DDX10: variants seen among roughly 807,000 people sequenced by gnomAD.
The protein encoded by DDX10 is probable ATP-dependent RNA helicase DDX10.
A neutral mutation model predicts 104.3 loss-of-function variants in DDX10; 74 were observed. The ratio of observed to expected loss-of-function variants is 0.71; its 90% confidence interval spans 0.59 to 0.86. The LOEUF (loss-of-function observed/expected upper bound fraction) is 0.86, where lower values mean the gene tolerates loss of function less well. Ranked by LOEUF, DDX10 falls within the 40% of genes least tolerant of loss-of-function variation. The probability of loss-of-function intolerance (pLI) is 0.00; values close to 1 mark genes in which losing one functional copy is unlikely to be tolerated. For missense variants in DDX10, 952 were observed against 1,040.0 expected (o/e 0.92, Z 1.16); for synonymous variants, 351 against 353.4 (o/e 0.99, Z 0.08).
chr11:108,684,740 G>A (rs1360501292), intron 6 of DDX10, among the ~76,000 whole-genome samples: 2 of 146,016 alleles, frequency 1.4e-5, no homozygotes, highest in Non-Finnish European at 3.0e-5. Context: ...TGGGTCAAAT[G>A]GTATTTCTAG....
chr11:108,712,816 T>C (rs1038205045), intron 10 of DDX10, among the ~76,000 whole-genome samples: 2 of 152,004 alleles, frequency 1.3e-5, no homozygotes, highest in Admixed American at 6.6e-5. Context: ...TTTTTTTTTT[T>C]CTCTCTAAAG....
chr11:108,831,820 A>G (rs1237705972), intron 13 of DDX10, among the ~76,000 whole-genome samples: 5 of 152,134 alleles, frequency 3.3e-5, no homozygotes, highest in African/African-American at 1.2e-4. Context: ...TTATGATAAG[A>G]ACCATTATTG....
At chr11:108,668,385 C>G (rs2094212748) in intron 1 of DDX10, among the ~76,000 whole-genome samples, 2 of 117,852 alleles carry the variant, frequency 1.7e-5, no homozygotes, top group African/African-American at 5.2e-5. Flanking sequence ...GCAGCTTTTT[C>G]CCCCGCTAAG....
At chr11:108,759,642 G>C (rs1295614845) in intron 13 of DDX10, among the ~76,000 whole-genome samples, 1 of 151,912 alleles carries the variant, frequency 6.6e-6, no homozygotes, top group Non-Finnish European at 1.5e-5. Flanking sequence ...ATCTGTTCTA[G>C]GGCTTTTAAA....
chr11:108,779,763 A>G (rs1448328790), intron 13 of DDX10, among the ~76,000 whole-genome samples: 2 of 152,148 alleles, frequency 1.3e-5, no homozygotes, highest in Non-Finnish European at 2.9e-5. Flanking sequence ...CCATTTTCCT[A>G]ATCTTAGCTG....
chr11:108,932,926 C>T (rs1863991734), intron 17 of DDX10, among the ~76,000 whole-genome samples: 1 of 151,926 alleles, frequency 6.6e-6, no homozygotes, highest in Non-Finnish European at 1.5e-5. Flanking sequence ...GAGGGGAGAT[C>T]CTACTGTTAC....
intron 16 of DDX10, among the ~76,000 whole-genome samples, chr11:108,871,811 C>A (rs1027184208): frequency 2.0e-5 from 3 of 152,048 alleles, no homozygotes; most frequent in Non-Finnish European, 2.9e-5. Context: ...GCCTGTAATG[C>A]CAGATACTCG....
intron 13 of DDX10, among the ~76,000 whole-genome samples, chr11:108,748,824 G>A (rs1476555661): frequency 6.6e-6 from 1 of 151,850 alleles, no homozygotes; most frequent in Non-Finnish European, 1.5e-5. Flanking sequence ...GGGACTATAG[G>A]TACACACTAT....
chr11:108,801,894 C>T (rs946080539), intron 13 of DDX10, among the ~76,000 whole-genome samples: 3 of 151,704 alleles, frequency 2.0e-5, no homozygotes, highest in African/African-American at 7.3e-5. Flanking sequence ...TAAAATACAA[C>T]ATTGGAAAAA....
chr11:108,835,123 G>A (rs1241508659), intron 13 of DDX10, among the ~76,000 whole-genome samples: 3 of 152,040 alleles, frequency 2.0e-5, no homozygotes, highest in Non-Finnish European at 4.4e-5. Context: ...GTTCACAGGG[G>A]TCATACAGGT....
intron 13 of DDX10, among the ~76,000 whole-genome samples, chr11:108,787,086 T>C (rs1861804523): frequency 6.6e-6 from 1 of 152,190 alleles, no homozygotes; most frequent in Non-Finnish European, 1.5e-5. Context: ...CATTTTATTT[T>C]GCCTTCACTT....
intron 5 of DDX10, 82 bp from the exon 6 acceptor site, chr11:108,679,289 G>A: frequency 3.4e-6 from 4 of 1,184,696 alleles, no homozygotes; most frequent in Non-Finnish European, 4.7e-6. Context: ...TTCTGTTTTA[G>A]GATCCAATCC....
chr11:108,766,473 A>G (rs887714418), intron 13 of DDX10, among the ~76,000 whole-genome samples: 5 of 152,182 alleles, frequency 3.3e-5, no homozygotes, highest in Admixed American at 2.0e-4. Flanking sequence ...TAAATGCTGT[A>G]TTCTTTAGAT....
At chr11:108,718,150 C>G (rs528667439) in intron 11 of DDX10, among the ~76,000 whole-genome samples, 1 of 149,510 alleles carries the variant, frequency 6.7e-6, no homozygotes, top group African/African-American at 2.5e-5. Context: ...GCCTACAGAG[C>G]GAGGCTCTGT....
At chr11:108,918,724 A>G (rs1863785837) in intron 17 of DDX10, 1 of 152,178 alleles carries the variant, frequency 6.6e-6, no homozygotes, top group African/African-American at 2.4e-5. Context: ...GCTATTATTT[A>G]TTTGCTACCA....
intron 7 of DDX10, 133 bp downstream of exon 7, chr11:108,689,195 T>A: frequency 1.1e-6 from 1 of 885,442 alleles, no homozygotes; most frequent in Non-Finnish European, 1.7e-6. Context: ...CGTGTCCTTG[T>A]TGCAAAGGAA....
At chr11:108,738,556 A>G (rs915042360) in intron 13 of DDX10, among the ~76,000 whole-genome samples, 10 of 152,112 alleles carry the variant, frequency 6.6e-5, no homozygotes, top group South Asian at 6.2e-4. Flanking sequence ...CAGTGTGTCA[A>G]CTAGCACCAG....
At chr11:108,874,017 G>T (rs1863117262) in intron 16 of DDX10, among the ~76,000 whole-genome samples, 1 of 152,144 alleles carries the variant, frequency 6.6e-6, no homozygotes, top group African/African-American at 2.4e-5. Flanking sequence ...CCTAAGGGAA[G>T]ATGCATTCTA....
chr11:108,931,505 T>C (rs1863975183), intron 17 of DDX10, among the ~76,000 whole-genome samples: 1 of 152,192 alleles, frequency 6.6e-6, no homozygotes, highest in Non-Finnish European at 1.5e-5. Context: ...GAATCACTGT[T>C]AAGTAACTAT....
Sources: allele counts gnomAD v4.1 joint callset (sites outside exome capture counted in the v4.1 genomes callset), GRCh38; gene constraint gnomAD v4.1.1; transcripts MANE v1.5; gene names NCBI Gene and HGNC (gene_info 2026-07-23, HGNC 2026-07-21).